SLC4A4: variants seen among roughly 807,000 people sequenced by gnomAD.
SLC4A4 encodes solute carrier family 4 member 4.
SLC4A4 carries 27 observed loss-of-function variants against 111.5 expected under a neutral mutation model. The ratio of observed to expected loss-of-function variants is 0.24; its 90% CI spans 0.18 to 0.33. The LOEUF (loss-of-function observed/expected upper bound fraction) is 0.33, where lower values mean the gene tolerates loss of function less well. SLC4A4 is among the 10% of genes least tolerant of loss of function. The probability of loss-of-function intolerance (pLI) is 1.00; values close to 1 mark genes in which losing one functional copy is unlikely to be tolerated. For missense variants in SLC4A4, 909 were observed against 1,315.5 expected (o/e 0.69, Z 4.78); for synonymous variants, 443 against 463.4 (o/e 0.96, Z 0.57).
At chr4:71,498,532 G>T (rs1730616036) in intron 16 of SLC4A4, among the ~76,000 whole-genome samples, 1 of 152,014 alleles carries the variant, frequency 6.6e-6, no homozygotes, top group Admixed American at 6.6e-5. Context: ...TAAAAGGAAT[G>T]GAAGAATTTT....
chr4:71,167,821 T>C (rs1429824623), intron 2 of SLC4A4, among the ~76,000 whole-genome samples: 2 of 152,186 alleles, frequency 1.3e-5, no homozygotes, highest in African/African-American at 2.4e-5. Context: ...TTTTTCTTGT[T>C]CTTTCAACTC....
chr4:71,488,005 C>T (rs1417964031), intron 15 of SLC4A4, among the ~76,000 whole-genome samples: 2 of 151,462 alleles, frequency 1.3e-5, no homozygotes, highest in East Asian at 1.9e-4. Context: ...GAAAGGAGTT[C>T]AACTTTCAGT....
intron 3 of SLC4A4, among the ~76,000 whole-genome samples, chr4:71,323,732 C>T (rs1026053332): frequency 3.3e-5 from 5 of 151,954 alleles, no homozygotes; most frequent in Non-Finnish European, 7.4e-5. Flanking sequence ...CTGTACTTAC[C>T]CCCAAAATTC....
chr4:71,334,200 C>A (rs1270171121), intron 3 of SLC4A4, among the ~76,000 whole-genome samples: 2 of 152,066 alleles, frequency 1.3e-5, no homozygotes, highest in Non-Finnish European at 2.9e-5. Context: ...GATGTTTATT[C>A]AAAGCCCAAG....
At position 71,232,583 on chromosome 4, in the gene SLC4A4, GA is replaced by G. The variant is rs201331796; in HGVS notation, c.-1-3984del. ...CACACCACTGCACATAGCTAATTTG[GA>G]AAAAAAAATTTCAGAGATGGGTCTT... On this transcript the variant is annotated intron_variant, in intron 1 of 25. Coordinates refer to ENST00000264485, the MANE Select transcript of SLC4A4 (RefSeq NM_001098484.3). Among the ~76,000 whole-genome samples the G allele has an allele frequency of 1.3e-3, 195 of 151,172 alleles. 2 individuals carry two copies. The East Asian group carries it at 0.032, about 25-fold the overall frequency.
chr4:71,560,551 G>A (rs1736885655), intron 23 of SLC4A4, among the ~76,000 whole-genome samples: 1 of 151,734 alleles, frequency 6.6e-6, no homozygotes. Context: ...TATAAAGGAA[G>A]TTTGCTTAGT....
intron 2 of SLC4A4, among the ~76,000 whole-genome samples, chr4:71,249,164 G>T (rs1485995998): frequency 6.6e-6 from 1 of 152,234 alleles, no homozygotes; most frequent in African/African-American, 2.4e-5. Flanking sequence ...ATGCAGTTCA[G>T]TGGGAAGAAA....
intron 1 of SLC4A4, among the ~76,000 whole-genome samples, chr4:71,222,181 C>G (rs948605698): frequency 1.3e-5 from 2 of 152,154 alleles, no homozygotes; most frequent in African/African-American, 4.8e-5. Context: ...TTACCTTCAC[C>G]TCTCTGATTT....
At chr4:71,280,146 A>C (rs2149090661) in intron 3 of SLC4A4, among the ~76,000 whole-genome samples, 1 of 152,294 alleles carries the variant, frequency 6.6e-6, no homozygotes, top group East Asian at 1.9e-4. Context: ...GTAATGTCTT[A>C]TATTGCATTT....
chr4:71,466,979 G>GAGAGAGAGAGAGAGAGAGA (rs1363275518), intron 13 of SLC4A4, among the ~76,000 whole-genome samples: 27 of 145,918 alleles, frequency 1.9e-4, no homozygotes, highest in East Asian at 8.6e-4. Context: ...GAGAGAGAGA[G>GAGAGAGAGAGAGAGAGAGA]GTCTGAGTAT....
At chr4:71,331,867 G>C (rs747980054) in intron 3 of SLC4A4, among the ~76,000 whole-genome samples, 8 of 152,096 alleles carry the variant, frequency 5.3e-5, no homozygotes, top group African/African-American at 9.7e-5. Flanking sequence ...CTTGTTGTTA[G>C]TCTATTCAGG....
intron 5 of SLC4A4, among the ~76,000 whole-genome samples, chr4:71,350,524 C>T (rs1225769326): frequency 6.6e-6 from 1 of 152,042 alleles, no homozygotes; most frequent in African/African-American, 2.4e-5. Flanking sequence ...ATTACAGGTA[C>T]CTGCCACTTG....
At chr4:71,138,748 G>A (rs1166147791) in intron 2 of SLC4A4, among the ~76,000 whole-genome samples, 2 of 152,124 alleles carry the variant, frequency 1.3e-5, no homozygotes, top group African/African-American at 4.8e-5. Context: ...TAAAGAATCA[G>A]TAAGTTGGCC....
rs184320794 is a variant in SLC4A4 at position 71,168,808 on chromosome 4, A to T, written c.-1-67768A>T. 1.4e-3 allele frequency among the ~76,000 whole-genome samples: 208 copies of T among 152,236 alleles called. 1 individual carries two copies. The highest frequency in any genetic ancestry group is 4.7e-3 in the African/African-American group (195 of 41,558). The stretch of plus-strand genomic sequence containing the variant: ...GGATCTCATTCATTTTTAAGGCTGA[A>T]TAGTACTCCACTGTGTATATGTACC... On this transcript the variant is annotated intron_variant, in intron 2 of 26. Coordinates refer to the SLC4A4 transcript ENST00000649996.
intron 1 of SLC4A4, among the ~76,000 whole-genome samples, chr4:71,073,015 C>T (rs1741710102): frequency 6.6e-6 from 1 of 152,098 alleles, no homozygotes; most frequent in Admixed American, 6.6e-5. Flanking sequence ...GATCCGCCTG[C>T]CTTGGTCTCC....
chr4:71,453,441 A>G (rs972055475), intron 11 of SLC4A4, 54 bp from the exon 12 acceptor site: 3 of 1,533,276 alleles, frequency 2.0e-6, no homozygotes, highest in Non-Finnish European at 9.0e-7. Context: ...CTCTTGATTA[A>G]TTTGATGGTA....
intron 2 of SLC4A4, among the ~76,000 whole-genome samples, chr4:71,097,193 G>T (rs1017100684): frequency 2.6e-5 from 4 of 152,184 alleles, no homozygotes; most frequent in Middle Eastern, 3.4e-3. Context: ...CCCTTAAGTA[G>T]GTCCCAGTGT....
At chr4:71,342,583 G>A (rs941661730) in intron 4 of SLC4A4, among the ~76,000 whole-genome samples, 2 of 152,148 alleles carry the variant, frequency 1.3e-5, no homozygotes, top group African/African-American at 4.8e-5. Context: ...GCTACACTCA[G>A]CTAAGACTAC....
intron 2 of SLC4A4, among the ~76,000 whole-genome samples, chr4:71,113,499 A>T (rs928586519): frequency 6.6e-6 from 1 of 152,224 alleles, no homozygotes; most frequent in Non-Finnish European, 1.5e-5. Flanking sequence ...GACTTTCCTT[A>T]TGGCAGGTAG....
Sources: allele counts gnomAD v4.1 joint callset (sites outside exome capture counted in the v4.1 genomes callset), GRCh38; gene constraint gnomAD v4.1.1; transcripts MANE v1.5; gene names NCBI Gene and HGNC (gene_info 2026-07-23, HGNC 2026-07-21).